The following PTPRD variants were observed in gnomAD, a reference collection of about 807,000 sequenced individuals.
PTPRD encodes the protein receptor-type tyrosine-protein phosphatase delta.
In PTPRD, 34 loss-of-function variants were observed where a neutral mutation model predicts 214.5. The ratio of observed to expected loss-of-function variants is 0.16; its 90% CI spans 0.12 to 0.21. The LOEUF is 0.21. Among genes scored for constraint, PTPRD ranks in the 10% least tolerant of loss-of-function variants. The pLI, the probability that PTPRD is intolerant of heterozygous loss-of-function variation, is 1.00. For synonymous variants in PTPRD, 1,128 were observed against 845.7 expected (o/e 1.33, Z -5.79); for missense variants, 2,545 against 2,398.7 (o/e 1.06, Z -1.27).
intron 13 of PTPRD, among the ~76,000 whole-genome samples, chr9:8,633,740 T>G (rs2096333681): frequency 6.6e-6 from 1 of 152,118 alleles, no homozygotes. Context: ...AGTATGTTCA[T>G]CTAGGGCAAT....
intron 11 of PTPRD, among the ~76,000 whole-genome samples, chr9:9,012,529 A>G (rs1267966883): frequency 6.6e-6 from 1 of 152,192 alleles, no homozygotes. Context: ...CATAGGCGGT[A>G]TAAGTGTCTA....
intron 11 of PTPRD, among the ~76,000 whole-genome samples, chr9:8,792,392 A>G (rs566678072): frequency 1.3e-5 from 2 of 152,354 alleles, no homozygotes; most frequent in Admixed American, 1.3e-4. Flanking sequence ...TCTAGTTTAT[A>G]CGGAGCCAAG....
At chr9:9,070,935 ACTCT>A (rs2099742783) in intron 10 of PTPRD, among the ~76,000 whole-genome samples, 2 of 152,040 alleles carry the variant, frequency 1.3e-5, no homozygotes, top group Non-Finnish European at 2.9e-5. Flanking sequence ...ACAGGATCTC[ACTCT>A]GCCTCCAGGG....
chr9:10,059,403 G>A (rs902084156), intron 3 of PTPRD, among the ~76,000 whole-genome samples: 11 of 152,040 alleles, frequency 7.2e-5, no homozygotes, highest in Non-Finnish European at 1.2e-4. Context: ...AGCATCCATT[G>A]GACCATTCTA....
chr9:9,214,017 A>G (rs956972270), intron 9 of PTPRD, among the ~76,000 whole-genome samples: 5 of 152,208 alleles, frequency 3.3e-5, no homozygotes, highest in Non-Finnish European at 7.3e-5. Flanking sequence ...TGGTGGAACA[A>G]CAGATAAATG....
rs373858734 is a variant in PTPRD, at chr9:10,447,801, T to C, written c.-599-106784A>G. Among the ~76,000 whole-genome samples the C allele has an allele frequency of 5.3e-5, 8 of 151,916 alleles. No homozygotes were observed. The East Asian group carries it at 1.4e-3, about 26-fold the overall frequency. On this transcript the variant is annotated intron_variant, in intron 2 of 45. Transcript: ENST00000381196. ...TTCTCTATTATTTACTGCTCTATTATTCTATGCAAAGTAGTATAAGTGACA... is the reference window on the plus strand; with the variant it reads ...TTCTCTATTATTTACTGCTCTATTACTCTATGCAAAGTAGTATAAGTGACA...
intron 2 of PTPRD, among the ~76,000 whole-genome samples, chr9:10,492,877 T>G (rs973751264): frequency 2.0e-5 from 3 of 152,222 alleles, no homozygotes; most frequent in African/African-American, 7.2e-5. Flanking sequence ...CTAAATCTCG[T>G]TAAGCAGATA....
At chr9:10,279,571 G>A (rs2094963683) in intron 3 of PTPRD, among the ~76,000 whole-genome samples, 1 of 151,856 alleles carries the variant, frequency 6.6e-6, no homozygotes, top group African/African-American at 2.4e-5. Context: ...CTTTGCTGGA[G>A]GTTGGTCATT....
At chr9:9,321,358 C>T (rs1291012222) in intron 9 of PTPRD, among the ~76,000 whole-genome samples, 1 of 152,100 alleles carries the variant, frequency 6.6e-6, no homozygotes, top group African/African-American at 2.4e-5. Context: ...GAGTTCACGA[C>T]CAGCCTGACC....
At chr9:9,796,406 G>A (rs2099002753) in intron 5 of PTPRD, among the ~76,000 whole-genome samples, 1 of 152,120 alleles carries the variant, frequency 6.6e-6, no homozygotes, top group Non-Finnish European at 1.5e-5. Context: ...GAAATTACGG[G>A]AAGAAATATC....
intron 12 of PTPRD, among the ~76,000 whole-genome samples, chr9:8,639,559 A>G (rs1463639707): frequency 5.9e-5 from 9 of 152,224 alleles, no homozygotes; most frequent in Non-Finnish European, 1.3e-4. Flanking sequence ...AGTGTGCACT[A>G]TATTAGAAAT....
chr9:8,401,075 A>T (rs775386295), intron 36 of PTPRD, among the ~76,000 whole-genome samples: 8 of 152,232 alleles, frequency 5.3e-5, no homozygotes, highest in African/African-American at 1.7e-4. Flanking sequence ...TAGGCATAAT[A>T]TTATATATTC....
rs534163799 is a variant in PTPRD at position 10,482,240 on chromosome 9, G to A, written c.-600+130158C>T. Among the ~76,000 whole-genome samples the A allele has an allele frequency of 4.2e-3, 632 of 151,848 alleles. 4 individuals are homozygous for A. Among genetic ancestry groups the A allele is most frequent in the Non-Finnish European group, 7.0e-3 (475 of 67,846 alleles). On this transcript the variant is annotated intron_variant, in intron 2 of 45. Transcript: ENST00000381196. ...CAAAAAATTAGCCGGGCGTGGTGGCGGGTGCCTGTAGTCCCAGCTACTGAG... is the reference window on the plus strand; with the variant it reads ...CAAAAAATTAGCCGGGCGTGGTGGCAGGTGCCTGTAGTCCCAGCTACTGAG...
At chr9:8,590,453 G>A (rs1323385112) in intron 14 of PTPRD, among the ~76,000 whole-genome samples, 1 of 152,042 alleles carries the variant, frequency 6.6e-6, no homozygotes, top group Non-Finnish European at 1.5e-5. Context: ...AACCAATCAA[G>A]TTTTACATGC....
chr9:10,548,050 T>A (rs759816329), intron 2 of PTPRD, among the ~76,000 whole-genome samples: 2 of 151,962 alleles, frequency 1.3e-5, no homozygotes, highest in East Asian at 3.9e-4. Flanking sequence ...TTGCTGTGGG[T>A]GGAAAACATT....
At chr9:10,200,904 T>A (rs2099417319) in intron 3 of PTPRD, among the ~76,000 whole-genome samples, 1 of 152,100 alleles carries the variant, frequency 6.6e-6, no homozygotes, top group African/African-American at 2.4e-5. Flanking sequence ...TCCTTTTTAA[T>A]TTTTGGTAAA....
chr9:9,215,951 T>C (rs1451906875), intron 9 of PTPRD, among the ~76,000 whole-genome samples: 1 of 152,150 alleles, frequency 6.6e-6, no homozygotes, highest in Admixed American at 6.6e-5. Context: ...AGAAATACCA[T>C]AAACCATTTT....
chr9:8,941,372 T>C (rs74489593), intron 11 of PTPRD, among the ~76,000 whole-genome samples: 5,035 of 152,238 alleles, frequency 0.033, 133 homozygotes, highest in African/African-American at 0.07. Flanking sequence ...ATACACTATA[T>C]ATAATTTTGA....
At chr9:8,798,337 A>AT (rs965216979) in intron 11 of PTPRD, among the ~76,000 whole-genome samples, 13 of 152,156 alleles carry the variant, frequency 8.5e-5, no homozygotes, top group Non-Finnish European at 1.9e-4. Flanking sequence ...CACTTTAAAA[A>AT]TTTTTTAACA....
Sources: allele counts gnomAD v4.1 joint callset (sites outside exome capture counted in the v4.1 genomes callset), GRCh38; gene constraint gnomAD v4.1.1; transcripts MANE v1.5; gene names NCBI Gene and HGNC (gene_info 2026-07-23, HGNC 2026-07-21).